The following TRPM2 variants were observed in gnomAD, a reference collection of about 807,000 sequenced individuals.
TRPM2 encodes estrogen-responsive element-associated gene 1 protein.
TRPM2 carries 161 observed loss-of-function variants against 174.0 expected under a neutral mutation model. The observed-to-expected ratio is 0.93, with a 90% CI of 0.81 to 1.05. The LOEUF (loss-of-function observed/expected upper bound fraction) is 1.05. Ranked by LOEUF, TRPM2 falls within the 50% of genes least tolerant of loss-of-function variation. The probability of loss-of-function intolerance (pLI) is 0.00; values close to 1 mark genes in which losing one functional copy is unlikely to be tolerated. For missense variants in TRPM2, 2,057 were observed against 2,038.0 expected (o/e 1.01, Z -0.18); for synonymous variants, 954 against 861.3 (o/e 1.11, Z -1.88).
At chr21:44,390,176 A>T (rs1428549390) in intron 9 of TRPM2, among the ~76,000 whole-genome samples, 1 of 152,100 alleles carries the variant, frequency 6.6e-6, no homozygotes, top group African/African-American at 2.4e-5. Flanking sequence ...CAGCCAATTT[A>T]ATCAATTTTT....
chr21:44,381,097 T>C (rs1055361098), intron 8 of TRPM2, among the ~76,000 whole-genome samples: 1 of 151,824 alleles, frequency 6.6e-6, no homozygotes, highest in African/African-American at 2.4e-5. Context: ...CCCCGAGGGA[T>C]GGGGCACCGT....
In TRPM2 at chr21:44,441,803, G is replaced by C. The variant is rs966021909; in HGVS notation, c.4498G>C (p.Gly1500Arg). 6.2e-7 allele frequency: 1 copy of C among 1,608,866 alleles called. No homozygotes were observed. Among genetic ancestry groups the C allele is most frequent in the Non-Finnish European group, 8.5e-7 (1 of 1,177,664 alleles). ...TLLQKAAAEF[G>R]AHY ...CCTCCAGAAGGCAGCCGCTGAGTTC[G>C]GGGCTCACTACTGACTGTGCCCTCA... is the stretch of plus-strand genomic sequence containing the variant. The change falls in exon 32 of 32, where the codon GGG (glycine) becomes CGG (arginine). Residue 1500 changes from glycine to arginine, a missense_variant. Gly to Arg is a moderately radical substitution (Grantham distance 125). Coordinates refer to ENST00000397928, the MANE Select transcript of TRPM2 (RefSeq NM_003307.4).
In TRPM2 at chr21:44,410,748, C is replaced by T. The variant is rs796511577; in HGVS notation, c.2963-3143C>T. 4.1e-5 allele frequency among the ~76,000 whole-genome samples: 2 copies of T among 49,216 alleles called. 1 individual carries two copies. Among genetic ancestry groups the T allele is most frequent in the African/African-American group, 1.4e-4 (2 of 14,312 alleles). The allele number at this position is 49,216 out of a possible 152,430, so 32.3% of individuals were successfully genotyped here. ...GTTTTGACCACACTGTCTTGTTGAG[C>T]GTAGCCTTGTAGTAAGTTTTGACCA... On this transcript the variant is annotated intron_variant, in intron 19 of 31. Transcript: ENST00000397928.
At chr21:44,421,273 G>A (rs181472725) in intron 22 of TRPM2, among the ~76,000 whole-genome samples, 144 of 151,628 alleles carry the variant, frequency 9.5e-4, no homozygotes, top group Non-Finnish European at 1.1e-3. Flanking sequence ...AGCTGAGATC[G>A]CGCTGCTGCA....
At chr21:44,406,156 C>G in intron 18 of TRPM2, 119 bp downstream of exon 18, 1 of 1,299,874 alleles carries the variant, frequency 7.7e-7, no homozygotes, top group Non-Finnish European at 1.1e-6. Flanking sequence ...GGTTCCCCGT[C>G]CCTGCTTTGC....
intron 9 of TRPM2, among the ~76,000 whole-genome samples, chr21:44,390,111 A>G (rs1033244827): frequency 6.6e-6 from 1 of 151,982 alleles, no homozygotes; most frequent in African/African-American, 2.4e-5. Context: ...TGACCTCATG[A>G]TCCACCCGCC....
intron 19 of TRPM2, among the ~76,000 whole-genome samples, chr21:44,409,387 GGAC>G (rs1163614838): frequency 2.0e-5 from 3 of 152,170 alleles, no homozygotes; most frequent in Non-Finnish European, 4.4e-5. Context: ...GAAAATCAGT[GGAC>G]CATTAACATA....
intron 4 of TRPM2, among the ~76,000 whole-genome samples, chr21:44,368,113 TC>T (rs764400941): frequency 3.3e-5 from 5 of 152,244 alleles, no homozygotes; most frequent in Admixed American, 6.5e-5. Context: ...TCTCCATCCT[TC>T]CATCCATCCA....
At chr21:44,394,317 CTTTT>C (rs35448660) in intron 11 of TRPM2, among the ~76,000 whole-genome samples, 1 of 112,682 alleles carries the variant, frequency 8.9e-6, no homozygotes. Context: ...AAACACATTT[CTTTT>C]TTTTTTTTTT....
rs1238773966 is a variant in TRPM2, at chr21:44,400,349, C to G, written c.2299C>G (p.Leu767Val). 5 of 1,612,060 alleles carry G rather than the reference C, an allele frequency of 3.1e-6. No individual in the cohort carries two copies. Among genetic ancestry groups the G allele is most frequent in the Non-Finnish European group, 4.2e-6 (5 of 1,179,828 alleles). ...TLCMLAFPLL[L>V]TGLISFREKR... ...GTGCATGCTGGCCTTCCCGCTGCTC[C>G]TCACCGGCCTCATCTCCTTCAGGTG... The change falls in exon 15 of 32, where the codon CTC (leucine) becomes GTC (valine). Residue 767 changes from leucine to valine, a missense_variant. Leu to Val is a conservative substitution (Grantham distance 32). Coordinates refer to ENST00000397928, the MANE Select transcript of TRPM2 (RefSeq NM_003307.4).
chr21:44,417,873 T>C (rs754494796), intron 20 of TRPM2, 54 bp from the exon 21 acceptor site: 22 of 1,561,038 alleles, frequency 1.4e-5, no homozygotes, highest in Non-Finnish European at 1.8e-5. Context: ...GTGAGAGGGG[T>C]CTGTTCTGGG....
At position 44,399,565 on chromosome 21, in the gene TRPM2, G is replaced by A. The variant is rs2049544672; in HGVS notation, c.2208+124G>A. On this transcript the variant is annotated intron_variant, in intron 14 of 31. Transcript: ENST00000397928. The surrounding 1 kb of genome is among the most constrained non-coding windows in gnomAD (Gnocchi z 4.6). ...GCTTCAGGGCCCTCAGCAGCTCGGG[G>A]ACAGCGCCTGACCCCTCGGCCACCT... 6.8e-6 allele frequency: 9 copies of A among 1,319,142 alleles called. No homozygotes were observed. The South Asian group carries it at 1.3e-4, about 19-fold the overall frequency. The allele number at this position is 1,319,142 out of a possible 1,614,324, so 81.7% of individuals were successfully genotyped here.
At chr21:44,440,037 A>C (rs1331947089) in intron 30 of TRPM2, among the ~76,000 whole-genome samples, 4 of 151,290 alleles carry the variant, frequency 2.6e-5, no homozygotes, top group African/African-American at 4.8e-5. Context: ...GACGCTCTTT[A>C]TAAAAGCAGG....
intron 20 of TRPM2, among the ~76,000 whole-genome samples, chr21:44,414,288 C>T (rs142095943): frequency 1.1e-4 from 17 of 152,300 alleles, no homozygotes; most frequent in African/African-American, 3.8e-4. Flanking sequence ...CTTGAGCTGG[C>T]GTGGGTCTGT....
At position 44,389,873 on chromosome 21, in the gene TRPM2, A is replaced by ATT. The variant is rs34732510; in HGVS notation, c.1319-1015_1319-1014dup. On this transcript the variant is annotated intron_variant, in intron 9 of 31. Coordinates refer to ENST00000397928, the MANE Select transcript of TRPM2 (RefSeq NM_003307.4). ...GTCTTTGAAGAGCAGGAGGCTTAAA[A>ATT]TTTTTTTTTTTTTTTTTGAGATGGA... 1.9e-3 allele frequency among the ~76,000 whole-genome samples: 267 copies of ATT among 139,370 alleles called. 1 individual carries two copies. The highest frequency in any genetic ancestry group is 7.2e-3 in the Middle Eastern group (2 of 276). The allele number at this position is 139,370 out of a possible 152,430, so 91.4% of individuals were successfully genotyped here.
At chr21:44,405,385 T>C in intron 17 of TRPM2, 125 bp downstream of exon 17, 1 of 1,434,760 alleles carries the variant, frequency 7.0e-7, no homozygotes, top group Non-Finnish European at 9.4e-7. Flanking sequence ...CCCTGGATTG[T>C]CATCTGTCCA....
At chr21:44,424,966 G>T (rs758618566) in intron 24 of TRPM2, 27 bp downstream of exon 24, 2 of 1,574,104 alleles carry the variant, frequency 1.3e-6, no homozygotes, top group Non-Finnish European at 1.7e-6. Context: ...GCCAGCAGCT[G>T]GTCTCCAGCC....
chr21:44,409,120 G>A (rs745936989), intron 19 of TRPM2, among the ~76,000 whole-genome samples: 8 of 152,076 alleles, frequency 5.3e-5, no homozygotes, highest in Non-Finnish European at 1.0e-4. Flanking sequence ...TCTTTATGGT[G>A]TCATTTGATG....
rs146156316 is a variant in TRPM2 at position 44,375,929 on chromosome 21, G to A, written c.868G>A (p.Gly290Arg). The change falls in exon 6 of 32, where the codon GGG (glycine) becomes AGG (arginine). Residue 290 changes from glycine to arginine, a missense_variant. Gly to Arg is a moderately radical substitution (Grantham distance 125). Coordinates refer to ENST00000397928, the MANE Select transcript of TRPM2 (RefSeq NM_003307.4). ...NHSHFILVDDGTHGQYGVEIP... is the reference protein window; with the variant it reads ...NHSHFILVDDRTHGQYGVEIP... ...CTCTCACTTCATCCTCGTGGACGACGGGACCCACGGCCAGTACGGGGTGGA... is the reference window on the plus strand; with the variant it reads ...CTCTCACTTCATCCTCGTGGACGACAGGACCCACGGCCAGTACGGGGTGGA... The A allele has an allele frequency of 1.0e-4, 163 of 1,613,978 alleles. No homozygotes were observed. Among genetic ancestry groups the A allele is most frequent in the Non-Finnish European group, 8.8e-5 (104 of 1,180,022 alleles).
Sources: allele counts gnomAD v4.1 joint callset (sites outside exome capture counted in the v4.1 genomes callset), GRCh38; gene constraint gnomAD v4.1.1; non-coding constraint Gnocchi (gnomAD v3.1); transcripts MANE v1.5; gene names NCBI Gene and HGNC (gene_info 2026-07-23, HGNC 2026-07-21).